Variants in TRIM44 observed in about 807,000 individuals in gnomAD.
The protein encoded by TRIM44 is tripartite motif-containing protein 44.
TRIM44 carries 13 observed loss-of-function variants against 37.4 expected under a neutral mutation model. The observed-to-expected ratio is 0.35, with a 90% confidence interval of 0.23 to 0.55. The LOEUF is 0.55. Ranked by LOEUF, TRIM44 falls within the 20% of genes least tolerant of loss-of-function variation. The pLI is 0.89. For synonymous variants in TRIM44, 175 were observed against 157.2 expected, an observed-to-expected ratio of 1.11 and a Z score of -0.85; for missense variants, 426 against 437.2, an observed-to-expected ratio of 0.97 and a Z score of 0.23.
At chr11:35,723,789 G>A (rs942235482) in intron 2 of TRIM44, among the ~76,000 whole-genome samples, 2 of 152,168 alleles carry the variant, frequency 1.3e-5, no homozygotes, top group African/African-American at 4.8e-5. Flanking sequence ...TAGCCATTAA[G>A]AGAGTTTCTC....
At chr11:35,678,312 G>T (rs1009609526) in intron 1 of TRIM44, among the ~76,000 whole-genome samples, 4 of 152,150 alleles carry the variant, frequency 2.6e-5, no homozygotes, top group Admixed American at 2.6e-4. Flanking sequence ...CAATACGATA[G>T]TGAAGAATAC....
chr11:35,772,598 G>A (rs1464668531), intron 4 of TRIM44, among the ~76,000 whole-genome samples: 1 of 152,222 alleles, frequency 6.6e-6, no homozygotes, highest in African/African-American at 2.4e-5. Context: ...AGATTTGACT[G>A]CCCTGCTGGA....
At chr11:35,771,396 C>T (rs1178475666) in intron 4 of TRIM44, among the ~76,000 whole-genome samples, 5 of 152,082 alleles carry the variant, frequency 3.3e-5, no homozygotes, top group African/African-American at 1.2e-4. Context: ...TTCTAAGCAG[C>T]AAAGTGTTCA....
At chr11:35,757,208 G>A (rs563301193) in intron 4 of TRIM44, among the ~76,000 whole-genome samples, 51 of 152,236 alleles carry the variant, frequency 3.4e-4, no homozygotes, top group Non-Finnish European at 6.0e-4. Flanking sequence ...CAGAGATTCA[G>A]CTTCTTCCTG....
At position 35,663,012 on chromosome 11, in the gene TRIM44, C is replaced by T. The variant is rs1851287455; in HGVS notation, c.-100C>T. 1.4e-6 allele frequency: 2 copies of T among 1,430,542 alleles called. No homozygotes were observed. The highest frequency in any genetic ancestry group is 1.5e-5 in the South Asian group (1 of 65,698). The allele number at this position is 1,430,542 out of a possible 1,614,324, so 88.6% of individuals were successfully genotyped here. A position where few individuals can be genotyped will look rare whatever the true frequency, so the allele number is the denominator to read the frequency against. ...GCGCGGTCCAGGCGGGAGGCGACTC[C>T]CTAGGAAGGGACCCGGGGCGGGAGG... On this transcript the variant is annotated 5_prime_UTR_variant, in exon 1 of 5. Transcript: ENST00000299413.
intron 2 of TRIM44, among the ~76,000 whole-genome samples, chr11:35,721,304 A>G (rs1564976840): frequency 6.6e-6 from 1 of 152,232 alleles, no homozygotes; most frequent in Non-Finnish European, 1.5e-5. Flanking sequence ...AAAAAGTGTT[A>G]CATGTTATTT....
At chr11:35,792,977 T>G (rs912386258) in intron 4 of TRIM44, among the ~76,000 whole-genome samples, 8 of 151,986 alleles carry the variant, frequency 5.3e-5, no homozygotes, top group African/African-American at 1.9e-4. Flanking sequence ...ACAGGCAGGA[T>G]TGAAAATGAA....
chr11:35,733,585 G>A (rs1371465804), intron 3 of TRIM44, among the ~76,000 whole-genome samples: 1 of 152,140 alleles, frequency 6.6e-6, no homozygotes, highest in East Asian at 1.9e-4. Context: ...TAGTTGGAGT[G>A]TGGATGATTA....
At chr11:35,757,391 CT>C (rs1852660141) in intron 4 of TRIM44, among the ~76,000 whole-genome samples, 1 of 152,116 alleles carries the variant, frequency 6.6e-6, no homozygotes, top group African/African-American at 2.4e-5. Context: ...ATTCTTCTCT[CT>C]TTTCTTCATT....
chr11:35,723,708 A>G (rs950474049), intron 2 of TRIM44, among the ~76,000 whole-genome samples: 3 of 152,222 alleles, frequency 2.0e-5, no homozygotes, highest in Non-Finnish European at 4.4e-5. Flanking sequence ...ACTGAACCAC[A>G]TGTGTATGTG....
chr11:35,739,515 A>G (rs933540195), intron 4 of TRIM44, among the ~76,000 whole-genome samples: 16 of 152,174 alleles, frequency 1.1e-4, no homozygotes, highest in African/African-American at 2.4e-4. Flanking sequence ...GAGTTCTTCA[A>G]TTGCTTTGAC....
chr11:35,779,036 C>G (rs889846499), intron 4 of TRIM44, among the ~76,000 whole-genome samples: 8 of 152,196 alleles, frequency 5.3e-5, no homozygotes, highest in African/African-American at 1.9e-4. Flanking sequence ...TATGCCCTGC[C>G]CCCAGAGGTG....
rs1256000422 is a variant in TRIM44, at chr11:35,808,221, A to AAAAAAG, written c.*1840_*1841insAGAAAA. ...GTTTGAGGTGTTAAAAAAAAAAAAAAAAAAGCATTTTTCTCTCAAACTGAT... is the reference window on the plus strand; with the variant it reads ...GTTTGAGGTGTTAAAAAAAAAAAAAAAAAAAGAAAAGCATTTTTCTCTCAAACTGAT... On this transcript the variant is annotated 3_prime_UTR_variant, in exon 5 of 5. Transcript: ENST00000299413. 6.6e-6 allele frequency: 1 copy of AAAAAAG among 151,424 alleles called. No homozygotes were observed. The highest frequency in any genetic ancestry group is 1.5e-5 in the Non-Finnish European group (1 of 67,876). The allele number at this position is 151,424 out of a possible 1,614,324, so 9.4% of individuals were successfully genotyped here.
chr11:35,683,583 C>T (rs1851542833), intron 1 of TRIM44, among the ~76,000 whole-genome samples: 1 of 152,062 alleles, frequency 6.6e-6, no homozygotes, highest in Admixed American at 6.6e-5. Context: ...TCTGTTTATT[C>T]TTGTACTTCT....
At chr11:35,709,265 C>T (rs1213536279) in intron 2 of TRIM44, among the ~76,000 whole-genome samples, 2 of 152,148 alleles carry the variant, frequency 1.3e-5, no homozygotes, top group Admixed American at 6.5e-5. Flanking sequence ...GACTTTGCTG[C>T]CTCCTGTGCC....
Position 35,703,417 on chromosome 11 carries a change from C to T in TRIM44, c.747+18081C>T, listed in dbSNP as rs188396780. On this transcript the variant is annotated intron_variant, in intron 2 of 4. Transcript: ENST00000299413. ...GCTTTGAAGAGAGCAGTGGTTCTCT[C>T]AGCATGCAGCTGGAGATCTGAGAAT... Among the ~76,000 whole-genome samples, 549 of 152,344 alleles carry T rather than the reference C, an allele frequency of 3.6e-3. 6 individuals are homozygous for T. Among genetic ancestry groups the T allele is most frequent in the African/African-American group, 0.012 (512 of 41,574 alleles).
chr11:35,696,800 T>A (rs1851705168), intron 2 of TRIM44, among the ~76,000 whole-genome samples: 1 of 151,048 alleles, frequency 6.6e-6, no homozygotes. Context: ...TGAGCCGAGA[T>A]CATGCCATTG....
intron 4 of TRIM44, among the ~76,000 whole-genome samples, chr11:35,740,142 ATTT>A (rs57692958): frequency 7.9e-6 from 1 of 126,806 alleles, no homozygotes; most frequent in Non-Finnish European, 1.7e-5. Context: ...GCCCAGAGTG[ATTT>A]TTTTTTTTTT....
intron 1 of TRIM44, among the ~76,000 whole-genome samples, chr11:35,674,613 A>G (rs1851439480): frequency 6.6e-6 from 1 of 152,224 alleles, no homozygotes; most frequent in South Asian, 2.1e-4. Flanking sequence ...TACATTCATT[A>G]TAGTATGTCC....
Sources: gnomAD v4.1 joint callset for allele counts (sites outside exome capture counted in the v4.1 genomes callset) on GRCh38, gnomAD v4.1.1 for gene constraint, MANE v1.5 for transcripts, NCBI Gene and HGNC (gene_info 2026-07-23, HGNC 2026-07-21) for gene names.